Variants in PPP1R15A observed in about 807,000 individuals in gnomAD.
PPP1R15A encodes the protein growth arrest and DNA damage-inducible protein GADD34.
Under a neutral mutation model 48.5 loss-of-function variants are expected in PPP1R15A, and 43 were observed. The observed-to-expected ratio is 0.89, with a 90% CI of 0.69 to 1.14. PPP1R15A has a LOEUF of 1.14. PPP1R15A is among the 50% of genes most tolerant of loss of function. PPP1R15A has a pLI of 0.00. For missense variants in PPP1R15A, 868 were observed against 847.2 expected (o/e 1.02, Z -0.30); for synonymous variants, 327 against 327.4 (o/e 1.00, Z 0.01).
At position 48,875,707 on chromosome 19, in the gene PPP1R15A, C is replaced by T. The variant is rs538298636; in HGVS notation, c.1759C>T (p.Arg587Trp). 3.0e-5 allele frequency: 48 copies of T among 1,612,532 alleles called. No homozygotes were observed. The East Asian group carries it at 8.9e-4, about 30-fold the overall frequency. ...ARQGPWEQLARDRSRFARRIT... is the reference protein window; with the variant it reads ...ARQGPWEQLAWDRSRFARRIT... The stretch of plus-strand genomic sequence containing the variant: ...CCAGGGCCCCTGGGAGCAGCTTGCT[C>T]GGGATCGCAGCCGCTTCGCACGCCG... Residue 587 changes from arginine (R) to tryptophan (W), a missense_variant, in exon 3 of 3, where the codon CGG becomes TGG. Arg to Trp is a moderately radical substitution (Grantham distance 101). Coordinates refer to ENST00000200453, the MANE Select transcript of PPP1R15A (RefSeq NM_014330.5).
chr19:48,873,647 G>C lies in PPP1R15A; in HGVS notation c.414G>C (p.Gln138His). The change falls in exon 2 of 3, where the codon CAG (glutamine) becomes CAC (histidine). Residue 138 changes from glutamine (Q) to histidine (H), a missense_variant. Coordinates refer to ENST00000200453, the MANE Select transcript of PPP1R15A (RefSeq NM_014330.5). ...RGQGSQFADG[Q>H]RAPLSPSLLI... The stretch of plus-strand genomic sequence containing the variant: ...AGGGAAGTCAATTTGCAGATGGCCA[G>C]CGTGCTCCCCTGTCTCCCAGCCTTC... 2 of 1,614,176 alleles carry C rather than the reference G, an allele frequency of 1.2e-6. No homozygotes were observed. Among genetic ancestry groups the C allele is most frequent in the Non-Finnish European group, 1.7e-6 (2 of 1,180,026 alleles).
rs773483951 is a variant in PPP1R15A, at chr19:48,874,115, C to G, written c.882C>G (p.Ala294=). Residue 294 remains alanine (A), a synonymous_variant, in exon 2 of 3, where the codon GCC becomes GCG. Coordinates refer to ENST00000200453, the MANE Select transcript of PPP1R15A (RefSeq NM_014330.5). ...AAPGPQSSAP[A]QRPQLKSWWC... ...CAGGGCCGCAATCCTCAGCCCCAGC[C>G]CAGAGGCCCCAGCTCAAGTCCTGGT... The G allele has an allele frequency of 6.2e-7, 1 of 1,614,172 alleles. No homozygotes were observed. Among genetic ancestry groups the G allele is most frequent in the South Asian group, 1.1e-5 (1 of 91,082 alleles).
At position 48,872,428 on chromosome 19, in the gene PPP1R15A, T is replaced by G; in HGVS notation, c.-233T>G. The G allele has an allele frequency of 2.2e-6, 1 of 456,480 alleles. No homozygotes were observed. Among genetic ancestry groups the G allele is most frequent in the South Asian group, 1.5e-5 (1 of 64,558 alleles). The allele number at this position is 456,480 out of a possible 1,614,324, so 28.3% of individuals were successfully genotyped here. A position where few individuals can be genotyped will look rare whatever the true frequency, so the allele number is the denominator to read the frequency against. Reference sequence around the variant, plus strand: ...GTGGCCATTGTGTTCGTTGCTCTTATCGGTTCCCATCCCAGTTGTTGATCT... The same window carrying G: ...GTGGCCATTGTGTTCGTTGCTCTTAGCGGTTCCCATCCCAGTTGTTGATCT... On this transcript the variant is annotated 5_prime_UTR_variant, in exon 1 of 3. Transcript: ENST00000200453.
chr19:48,873,154 A>C lies in PPP1R15A; in HGVS notation c.-9-71A>C, dbSNP rs920075183. 6 of 1,414,088 alleles carry C rather than the reference A, an allele frequency of 4.2e-6. No homozygotes were observed. The African/African-American group carries it at 8.7e-5, about 20-fold the overall frequency. The allele number at this position is 1,414,088 out of a possible 1,614,324, so 87.6% of individuals were successfully genotyped here. ...TTGTGTTACTATTTCCGTTGCTATG[A>C]CTCATAGTCACGCCCGGATGCCATC... On this transcript the variant is annotated intron_variant, in intron 1 of 2. Transcript: ENST00000200453.
At position 48,875,621 on chromosome 19, in the gene PPP1R15A, T is replaced by G; in HGVS notation, c.1673T>G (p.Phe558Cys). Residue 558 changes from phenylalanine to cysteine, a missense_variant, in exon 3 of 3, where the codon TTC (phenylalanine) becomes TGC (cysteine). Phe to Cys is a radical substitution (Grantham distance 205). Coordinates refer to ENST00000200453, the MANE Select transcript of PPP1R15A (RefSeq NM_014330.5). Reference protein sequence around the residue: ...ETPLKARKVRFSEKVTVHFLA... With the variant: ...ETPLKARKVRCSEKVTVHFLA... ...CCCCATGTCTGCCCGCAGGTGCGCT[T>G]CTCCGAGAAGGTCACTGTCCATTTC... 1 of 1,591,314 alleles carries G rather than the reference T, an allele frequency of 6.3e-7. No individual in the cohort carries two copies. Among genetic ancestry groups the G allele is most frequent in the Non-Finnish European group, 8.6e-7 (1 of 1,167,282 alleles).
rs557806 is a variant in PPP1R15A, at chr19:48,873,985, G to A, written c.752G>A (p.Arg251Gln). Residue 251 changes from arginine (R) to glutamine (Q), a missense_variant, in exon 2 of 3, where the codon CGA becomes CAA. Physicochemically the swap from Arg to Gln is conservative, Grantham distance 43 (BLOSUM62 1). Transcript: ENST00000200453. The part of the protein sequence containing the change: ...KGARKTSVSP[R>Q]SSGSDPRSWE... ...GCCAGGAAGACCTCCGTGTCCCCCC[G>A]ATCTTCAGGCTCCGACCCCAGGTCC... The A allele has an allele frequency of 3.7e-6, 6 of 1,613,766 alleles. No homozygotes were observed. The highest frequency in any genetic ancestry group is 5.1e-6 in the Non-Finnish European group (6 of 1,179,962).
Position 48,873,344 on chromosome 19 carries a change from G to A in PPP1R15A, c.111G>A (p.Arg37=), listed in dbSNP as rs758303406. ...GLLSRAWSRL[R]GLGPLEPWLV... ...TCAGCCGCGCCTGGAGCCGCCTGAG[G>A]GGCCTGGGACCTCTAGAGCCCTGGC... Residue 37 remains arginine (R), a synonymous_variant, in exon 2 of 3, where the codon AGG becomes AGA. Transcript: ENST00000200453. The A allele has an allele frequency of 1.2e-6, 2 of 1,612,968 alleles. No individual in the cohort carries two copies. Among genetic ancestry groups the A allele is most frequent in the Non-Finnish European group, 1.7e-6 (2 of 1,179,670 alleles).
At position 48,873,497 on chromosome 19, in the gene PPP1R15A, C is replaced by T. The variant is rs776041111; in HGVS notation, c.264C>T (p.Gly88=). The T allele has an allele frequency of 7.4e-6, 12 of 1,614,126 alleles. No individual in the cohort carries two copies. Among genetic ancestry groups the T allele is most frequent in the East Asian group, 2.2e-5 (1 of 44,882 alleles). Residue 88 remains glycine, a synonymous_variant, in exon 2 of 3, where the codon GGC becomes GGT. Coordinates refer to ENST00000200453, the MANE Select transcript of PPP1R15A (RefSeq NM_014330.5). ...AAGAGGAGGCTGAAGACAGTGGAGG[C>T]CCTGGAGAGGACAGAGAAACACTGG... ...RPEEEAEDSG[G]PGEDRETLGL... is the part of the protein sequence containing the mutation.
intron 1 of PPP1R15A, 143 bp from the exon 2 acceptor site, chr19:48,873,082 C>T (rs2123243522): frequency 3.0e-6 from 4 of 1,328,694 alleles, no homozygotes; most frequent in Non-Finnish European, 3.9e-6. Context: ...TGGGCGTGGC[C>T]GAGATCAGAA....
At chr19:48,873,153 G>T in intron 1 of PPP1R15A, 72 bp from the exon 2 acceptor site, 1 of 1,414,616 alleles carries the variant, frequency 7.1e-7, no homozygotes, top group South Asian at 1.7e-5. Context: ...CCGTTGCTAT[G>T]ACTCATAGTC....
chr19:48,873,742 A>T lies in PPP1R15A; in HGVS notation c.509A>T (p.Glu170Val), dbSNP rs367785147. Residue 170 changes from glutamate (E) to valine (V), a missense_variant, in exon 2 of 3, where the codon GAA becomes GTA. Physicochemically the swap from Glu to Val is moderately radical, Grantham distance 121. Coordinates refer to ENST00000200453, the MANE Select transcript of PPP1R15A (RefSeq NM_014330.5). ...EEKAEEEGVA[E>V]EEGVNKFSYP... ...AAAGCCGAGGAAGAGGGAGTTGCTGAAGAGGAGGGAGTTAACAAGTTCTCT... is the reference window on the plus strand; with the variant it reads ...AAAGCCGAGGAAGAGGGAGTTGCTGTAGAGGAGGGAGTTAACAAGTTCTCT... The T allele has an allele frequency of 1.3e-5, 21 of 1,614,016 alleles. No individual in the cohort carries two copies. The highest frequency in any genetic ancestry group is 5.0e-5 in the Admixed American group (3 of 60,004).
chr19:48,874,213 A>AGT lies in PPP1R15A; in HGVS notation c.983_984dup (p.Pro329ValfsTer12), dbSNP rs1212926654. 1.9e-6 allele frequency: 3 copies of AGT among 1,614,080 alleles called. No homozygotes were observed. The African/African-American group carries it at 4.0e-5, about 22-fold the overall frequency. On this transcript the variant is annotated frameshift_variant, in exon 2 of 3. Transcript: ENST00000200453. LOFTEE classifies it high-confidence loss of function. ...GCAGCTGAGAAGGATGGAGAAGCTG[A>AGT]GTGTCCTCCCTGCATCCCCCCACCA...
In PPP1R15A at chr19:48,875,216, C is replaced by T. The variant is rs952433856; in HGVS notation, c.1665+318C>T. On this transcript the variant is annotated intron_variant, in intron 2 of 2. Coordinates refer to ENST00000200453, the MANE Select transcript of PPP1R15A (RefSeq NM_014330.5). ...AAAGTGCTGGGATTACAGGCGTGAGCTACCACATCTGGCTGAGAGCCCAGA... is the reference window on the plus strand; with the variant it reads ...AAAGTGCTGGGATTACAGGCGTGAGTTACCACATCTGGCTGAGAGCCCAGA... The T allele has an allele frequency of 1.2e-5, 4 of 333,384 alleles. No individual in the cohort carries two copies. In the East Asian group the frequency reaches 1.6e-4, roughly 13 times the overall value. The allele number at this position is 333,384 out of a possible 1,614,324, so 20.7% of individuals were successfully genotyped here.
In PPP1R15A at chr19:48,873,962, C is replaced by T. The variant is rs1383687680; in HGVS notation, c.729C>T (p.Ala243=). Residue 243 remains alanine (A), a synonymous_variant, in exon 2 of 3, where the codon GCC becomes GCT. Coordinates refer to ENST00000200453, the MANE Select transcript of PPP1R15A (RefSeq NM_014330.5). The part of the protein sequence containing the change: ...EDKRTERSKG[A]RKTSVSPRSS... Reference sequence around the variant, plus strand: ...AAAGAACAGAAAGAAGTAAAGGAGCCAGGAAGACCTCCGTGTCCCCCCGAT... The same window carrying T: ...AAAGAACAGAAAGAAGTAAAGGAGCTAGGAAGACCTCCGTGTCCCCCCGAT... 1.2e-6 allele frequency: 2 copies of T among 1,613,954 alleles called. No homozygotes were observed. Among genetic ancestry groups the T allele is most frequent in the East Asian group, 2.2e-5 (1 of 44,884 alleles).
Position 48,872,459 on chromosome 19 carries a change from A to G in PPP1R15A, c.-202A>G, listed in dbSNP as rs1331945310. The G allele has an allele frequency of 8.8e-6, 4 of 456,378 alleles. No individual in the cohort carries two copies. Among genetic ancestry groups the G allele is most frequent in the Admixed American group, 2.4e-5 (1 of 42,548 alleles). The allele number at this position is 456,378 out of a possible 1,614,324, so 28.3% of individuals were successfully genotyped here. A position where few individuals can be genotyped will look rare whatever the true frequency, so the allele number is the denominator to read the frequency against. On this transcript the variant is annotated 5_prime_UTR_variant, in exon 1 of 3. Transcript: ENST00000200453. Reference sequence around the variant, plus strand: ...CCCATCCCAGTTGTTGATCTTATGCAAGACGCTGCACGACCCCGCGCCCGC... The same window carrying G: ...CCCATCCCAGTTGTTGATCTTATGCGAGACGCTGCACGACCCCGCGCCCGC...
chr19:48,873,893 G>T lies in PPP1R15A; in HGVS notation c.660G>T (p.Trp220Cys). The change falls in exon 2 of 3, where the codon TGG becomes TGT. Residue 220 changes from tryptophan to cysteine, a missense_variant. By Grantham distance (215) the Trp-to-Cys change is radical. Coordinates refer to ENST00000200453, the MANE Select transcript of PPP1R15A (RefSeq NM_014330.5). ...CTCCAGGATCCAAGCCCAGCACTTG[G>T]GTGTCTTGCCCAGGGGAGGAAGAGA... ...ALSPGSKPST[W>C]VSCPGEEENQ... is the part of the protein sequence containing the mutation. 6.2e-7 allele frequency: 1 copy of T among 1,613,954 alleles called. No individual in the cohort carries two copies. The highest frequency in any genetic ancestry group is 8.5e-7 in the Non-Finnish European group (1 of 1,180,000).
At chr19:48,875,199 G>A (rs2037066474) in intron 2 of PPP1R15A, 1 of 341,638 alleles carries the variant, frequency 2.9e-6, no homozygotes, top group Non-Finnish European at 5.3e-6. Flanking sequence ...CCAAAGTGCT[G>A]GGATTACAGG....
chr19:48,872,972 GAA>G, intron 1 of PPP1R15A, among the ~76,000 whole-genome samples: 1 of 152,192 alleles, frequency 6.6e-6, no homozygotes, highest in Non-Finnish European at 1.5e-5. Context: ...TGCGTCTGAA[GAA>G]AGAGAGGGCT....
rs757993474 is a variant in PPP1R15A at position 48,874,719 on chromosome 19, G to A, written c.1486G>A (p.Ala496Thr). The A allele has an allele frequency of 6.2e-7, 1 of 1,614,034 alleles. No individual in the cohort carries two copies. Among genetic ancestry groups the A allele is most frequent in the African/African-American group, 1.3e-5 (1 of 75,024 alleles). ...PGKETEEEEA[A>T]EDWGEAEPCP... is the part of the protein sequence containing the mutation. ...AAAAGAGACAGAGGAAGAGGAAGCT[G>A]CTGAGGACTGGGGAGAAGCTGAGCC... Residue 496 changes from alanine (A) to threonine (T), a missense_variant, in exon 2 of 3, where the codon GCT becomes ACT. Transcript: ENST00000200453.
Sources: allele counts gnomAD v4.1 joint callset (sites outside exome capture counted in the v4.1 genomes callset), GRCh38; gene constraint gnomAD v4.1.1; transcripts MANE v1.5; gene names NCBI Gene and HGNC (gene_info 2026-07-23, HGNC 2026-07-21).